Variants in HERC1 observed in about 807,000 individuals in gnomAD.
The protein encoded by HERC1 is probable E3 ubiquitin-protein ligase HERC1.
A neutral mutation model predicts 554.3 loss-of-function variants in HERC1; 160 were observed. The ratio of observed to expected loss-of-function variants is 0.29; its 90% CI spans 0.25 to 0.33. HERC1 has a LOEUF of 0.33. Ranked by LOEUF, HERC1 falls within the 10% of genes least tolerant of loss-of-function variation. The pLI is 1.00. For synonymous variants in HERC1, 2,175 were observed against 2,131.7 expected (o/e 1.02, Z -0.56); for missense variants, 4,919 against 5,918.5 (o/e 0.83, Z 5.54).
chr15:63,728,412 C>T (rs553214252), intron 16 of HERC1, among the ~76,000 whole-genome samples: 1 of 152,274 alleles, frequency 6.6e-6, no homozygotes, highest in South Asian at 2.1e-4. Flanking sequence ...GAAGGTCATT[C>T]AGAAATGAGC....
intron 34 of HERC1, among the ~76,000 whole-genome samples, chr15:63,686,035 T>A (rs1364764657): frequency 2.0e-5 from 3 of 152,214 alleles, no homozygotes; most frequent in Non-Finnish European, 2.9e-5. Context: ...TGGGCTTTCC[T>A]AGACAAAAAC....
intron 1 of HERC1, among the ~76,000 whole-genome samples, chr15:63,819,873 G>A (rs1409804773): frequency 6.6e-6 from 1 of 152,094 alleles, no homozygotes; most frequent in Non-Finnish European, 1.5e-5. Flanking sequence ...ATGATCTTAG[G>A]CAAGTTACTT....
intron 1 of HERC1, among the ~76,000 whole-genome samples, chr15:63,795,507 A>G (rs570086344): frequency 1.3e-5 from 2 of 152,324 alleles, no homozygotes; most frequent in African/African-American, 4.8e-5. Flanking sequence ...TTTTATTTTC[A>G]ATCAAATAGA....
intron 77 of HERC1, among the ~76,000 whole-genome samples, chr15:63,610,785 C>G (rs2067550942): frequency 6.6e-6 from 1 of 152,182 alleles, no homozygotes. Flanking sequence ...GCCCCACTTC[C>G]CTTACTGTTT....
intron 64 of HERC1, among the ~76,000 whole-genome samples, chr15:63,636,622 G>C (rs1045537169): frequency 6.6e-6 from 1 of 152,164 alleles, no homozygotes; most frequent in Middle Eastern, 3.4e-3. Context: ...GCAAAACTGC[G>C]AATAGTCACC....
chr15:63,678,509 G>T, intron 36 of HERC1, 144 bp from the exon 37 acceptor site: 1 of 939,370 alleles, frequency 1.1e-6, no homozygotes, highest in Admixed American at 3.1e-5. Context: ...CCCCCAAAGA[G>T]TAAGGAAATG....
At chr15:63,665,549 C>T (rs191469610) in intron 42 of HERC1, among the ~76,000 whole-genome samples, 3 of 152,222 alleles carry the variant, frequency 2.0e-5, no homozygotes, top group Non-Finnish European at 2.9e-5. Flanking sequence ...AAAAAAAGTT[C>T]AATTCTATCA....
intron 54 of HERC1, among the ~76,000 whole-genome samples, chr15:63,648,577 A>G (rs2069480231): frequency 6.6e-6 from 1 of 152,198 alleles, no homozygotes; most frequent in Non-Finnish European, 1.5e-5. Flanking sequence ...AGAAAATTAC[A>G]TCTCTTTTTT....
intron 22 of HERC1, among the ~76,000 whole-genome samples, chr15:63,714,438 G>A (rs2073444027): frequency 2.0e-5 from 3 of 152,030 alleles, no homozygotes; most frequent in Admixed American, 2.0e-4. Flanking sequence ...CTTTCCATCA[G>A]TGGAGTTAAC....
chr15:63,685,330 T>C lies in HERC1; in HGVS notation c.6225+1029A>G, dbSNP rs138449209. Among the ~76,000 whole-genome samples the C allele has an allele frequency of 3.9e-5, 6 of 152,388 alleles. No individual in the cohort carries two copies. The East Asian group carries it at 1.2e-3, about 29-fold the overall frequency. The stretch of plus-strand genomic sequence containing the variant: ...GAAGGCCCCATGGGGGCAGGTCACA[T>C]TGGTATCATGTTAACCTGTGCTGCC... On this transcript the variant is annotated intron_variant, in intron 34 of 77. Coordinates refer to ENST00000443617, the MANE Select transcript of HERC1 (RefSeq NM_003922.4).
At chr15:63,761,849 G>A (rs1309027513) in intron 3 of HERC1, among the ~76,000 whole-genome samples, 1 of 152,128 alleles carries the variant, frequency 6.6e-6, no homozygotes, top group Non-Finnish European at 1.5e-5. Flanking sequence ...TTAAAAGGAA[G>A]AAGATATAAA....
chr15:63,799,528 G>T (rs996463464), intron 1 of HERC1, among the ~76,000 whole-genome samples: 5 of 151,432 alleles, frequency 3.3e-5, no homozygotes, highest in African/African-American at 9.7e-5. Flanking sequence ...AAAAGAAAAA[G>T]AAAAATATTG....
intron 12 of HERC1, among the ~76,000 whole-genome samples, chr15:63,743,543 G>A (rs1187051733): frequency 6.6e-6 from 1 of 151,960 alleles, no homozygotes; most frequent in Non-Finnish European, 1.5e-5. Context: ...GATTACAGGC[G>A]TGAGCCACCA....
At chr15:63,726,044 T>C (rs758103460) in intron 17 of HERC1, among the ~76,000 whole-genome samples, 1 of 152,138 alleles carries the variant, frequency 6.6e-6, no homozygotes, top group Non-Finnish European at 1.5e-5. Context: ...TGCAGTGGCA[T>C]GATCTTGGGT....
rs1213878064 is a variant in HERC1, at chr15:63,652,508, G to T, written c.10324C>A (p.Leu3442Ile). ...MTCVWCNKKGLLATSGNDGTI... is the reference protein window; with the variant it reads ...MTCVWCNKKGILATSGNDGTI... ...CCATCATTGCCACTTGTAGCCAAAAGACCTTTTTTATTACACCAAACACAT... is the reference window on the plus strand; with the variant it reads ...CCATCATTGCCACTTGTAGCCAAAATACCTTTTTTATTACACCAAACACAT... Residue 3442 changes from leucine (L) to isoleucine (I), a missense_variant, in exon 52 of 78, where the codon CTT becomes ATT. By Grantham distance (5) the Leu-to-Ile change is conservative. This residue lies in a region of HERC1 where 1,963 missense variants were observed against 2,228.6 expected (regional missense o/e 0.88). Transcript: ENST00000443617. 6.2e-7 allele frequency: 1 copy of T among 1,603,894 alleles called. No homozygotes were observed. The highest frequency in any genetic ancestry group is 8.5e-7 in the Non-Finnish European group (1 of 1,174,240).
At position 63,811,809 on chromosome 15, in the gene HERC1, CAA is replaced by C. The variant is rs374847616; in HGVS notation, c.-27+22016_-27+22017del. On this transcript the variant is annotated intron_variant, in intron 1 of 77. Coordinates refer to ENST00000443617, the MANE Select transcript of HERC1 (RefSeq NM_003922.4). ...GGGCGACTCAGTGAGACTCCGTCTC[CAA>C]AAAAAAAAAAAAAAAAACAGAAAGG... is the stretch of plus-strand genomic sequence containing the variant. 1.9e-4 allele frequency among the ~76,000 whole-genome samples: 15 copies of C among 77,158 alleles called. No homozygotes were observed. In the East Asian group the frequency reaches 2.7e-3, roughly 14 times the overall value. The allele number at this position is 77,158 out of a possible 152,430, so 50.6% of individuals were successfully genotyped here. A position where few individuals can be genotyped will look rare whatever the true frequency, so the allele number is the denominator to read the frequency against.
At chr15:63,634,586 C>A in intron 66 of HERC1, 147 bp downstream of exon 66, 4 of 582,620 alleles carry the variant, frequency 6.9e-6, no homozygotes, top group South Asian at 5.7e-5. Flanking sequence ...CATTGGGAAA[C>A]AGTTAAAATT....
At chr15:63,724,594 A>G (rs1284552054) in intron 18 of HERC1, among the ~76,000 whole-genome samples, 1 of 152,090 alleles carries the variant, frequency 6.6e-6, no homozygotes. Flanking sequence ...TCTTTGTCTT[A>G]TCAGAGAAAT....
intron 1 of HERC1, among the ~76,000 whole-genome samples, chr15:63,803,318 A>G (rs986912854): frequency 6.6e-6 from 1 of 152,220 alleles, no homozygotes; most frequent in African/African-American, 2.4e-5. Flanking sequence ...ACTGCCAGTA[A>G]TTGATAGAGT....
Sources: allele counts gnomAD v4.1 joint callset (sites outside exome capture counted in the v4.1 genomes callset), GRCh38; gene constraint gnomAD v4.1.1; regional missense constraint gnomAD v4.1.1; transcripts MANE v1.5; gene names NCBI Gene and HGNC (gene_info 2026-07-23, HGNC 2026-07-21).